TRHDE: variants seen among roughly 807,000 people sequenced by gnomAD.
TRHDE encodes the protein thyrotropin-releasing hormone-degrading ectoenzyme.
Under a neutral mutation model 125.7 loss-of-function variants are expected in TRHDE, and 72 were observed. That is an observed-to-expected ratio of 0.57 (90% confidence interval 0.47 to 0.70). The LOEUF (loss-of-function observed/expected upper bound fraction) is 0.70, where lower values mean the gene tolerates loss of function less well. TRHDE is among the 30% of genes least tolerant of loss of function. The probability of loss-of-function intolerance (pLI) is 0.00; values close to 1 mark genes in which losing one functional copy is unlikely to be tolerated. For missense variants in TRHDE, 1,110 were observed against 1,327.1 expected, an observed-to-expected ratio of 0.84 and a Z score of 2.54; for synonymous variants, 509 against 509.1, an observed-to-expected ratio of 1.00 and a Z score of 0.00.
In TRHDE at chr12:72,286,893, AT is replaced by A; in HGVS notation, c.1130del (p.Leu377Ter). On this transcript the variant is annotated frameshift_variant, in exon 2 of 19. Coordinates refer to ENST00000261180, the MANE Select transcript of TRHDE (RefSeq NM_013381.3). LOFTEE classifies it high-confidence loss of function. ...FSQTPLMSTYYLAWAICNFTY... is the reference protein window; with the variant it reads ...FSQTPLMSTYXLAWAICNFTY... The stretch of plus-strand genomic sequence containing the variant: ...CAGACCCCTCTCATGTCCACATATT[AT>A]TTAGCCTGGGCAATTTGCAACTTCA... The A allele has an allele frequency of 6.2e-7, 1 of 1,613,978 alleles. No homozygotes were observed. The highest frequency in any genetic ancestry group is 8.5e-7 in the Non-Finnish European group (1 of 1,179,966).
chr12:72,111,756 G>A (rs114897935), intron 2 of TRHDE, among the ~76,000 whole-genome samples: 2,588 of 152,164 alleles, frequency 0.017, 59 homozygotes, highest in African/African-American at 0.059. Context: ...ATTTTTCTCT[G>A]CCTCATTCTT....
chr12:72,117,511 G>A (rs1011193820), intron 2 of TRHDE, among the ~76,000 whole-genome samples: 14 of 152,076 alleles, frequency 9.2e-5, no homozygotes, highest in Non-Finnish European at 4.4e-5. Context: ...TGGATAATGC[G>A]ATTCCTCCAG....
chr12:72,516,814 G>A (rs1419789460), intron 6 of TRHDE, among the ~76,000 whole-genome samples: 8 of 152,036 alleles, frequency 5.3e-5, no homozygotes, highest in African/African-American at 1.2e-4. Flanking sequence ...TTTGAGATAC[G>A]TCCCATCAAT....
chr12:72,565,680 A>G (rs1565792315), intron 9 of TRHDE, among the ~76,000 whole-genome samples: 1 of 152,194 alleles, frequency 6.6e-6, no homozygotes, highest in Non-Finnish European at 1.5e-5. Flanking sequence ...AGTTTTTCAC[A>G]AAGTCTGGAC....
Position 72,562,173 on chromosome 12 carries a change from A to G in TRHDE, c.1797A>G (p.Leu599=), listed in dbSNP as rs267603659. 1 of 1,503,386 alleles carries G rather than the reference A, an allele frequency of 6.7e-7. No homozygotes were observed. The highest frequency in any genetic ancestry group is 9.2e-7 in the Non-Finnish European group (1 of 1,085,554). The allele number at this position is 1,503,386 out of a possible 1,614,324, so 93.1% of individuals were successfully genotyped here. Residue 599 remains leucine (L), a synonymous_variant, in exon 8 of 19, where the codon TTA becomes TTG. Coordinates refer to ENST00000261180, the MANE Select transcript of TRHDE (RefSeq NM_013381.3). The part of the protein sequence containing the change: ...SVFQRGLQDY[L]TIHKYGNAAR... ...ATTTTATATTCTTGTAGGATTATTT[A>G]ACCATTCATAAGTATGGTAATGCAG...
intron 3 of TRHDE, among the ~76,000 whole-genome samples, chr12:72,411,875 G>T (rs968300038): frequency 1.1e-4 from 16 of 152,118 alleles, no homozygotes; most frequent in African/African-American, 3.9e-4. Context: ...GCAGATTAGT[G>T]GAAAAAGACA....
intron 1 of TRHDE, among the ~76,000 whole-genome samples, chr12:72,097,580 G>A (rs1874961376): frequency 6.6e-6 from 1 of 151,514 alleles, no homozygotes. Flanking sequence ...CTCCTGAGTA[G>A]CTGGGACTAC....
chr12:72,107,814 G>A (rs941437888), intron 2 of TRHDE, among the ~76,000 whole-genome samples: 1 of 143,562 alleles, frequency 7.0e-6, no homozygotes, highest in Non-Finnish European at 1.5e-5. Context: ...GGCCTGTTTA[G>A]ACATTTTTTG....
At chr12:72,095,117 A>G (rs1251174814) in intron 1 of TRHDE, among the ~76,000 whole-genome samples, 2 of 152,182 alleles carry the variant, frequency 1.3e-5, no homozygotes, top group Non-Finnish European at 2.9e-5. Context: ...TGTCTTTTAG[A>G]TATAAATTAT....
At position 72,247,567 on chromosome 12, in the gene TRHDE, T is replaced by C. The variant is rs567814558; in HGVS notation, n.280-130428T>C. On this transcript the variant is annotated intron_variant and non_coding_transcript_variant, in intron 2 of 4. Coordinates refer to the TRHDE transcript ENST00000548156. ...CCATTGTTATTTTATAAAAATTCCC[T>C]AGGTTATTTTAATGTGCAGCTGGAG... Among the ~76,000 whole-genome samples, 4 of 152,352 alleles carry C rather than the reference T, an allele frequency of 2.6e-5. No individual in the cohort carries two copies. In the South Asian group the frequency reaches 8.3e-4, roughly 32 times the overall value.
intron 2 of TRHDE, among the ~76,000 whole-genome samples, chr12:72,375,426 A>G (rs2135771629): frequency 6.6e-6 from 1 of 152,286 alleles, no homozygotes; most frequent in East Asian, 1.9e-4. Context: ...AATCTTGACA[A>G]GCAGATTAAT....
chr12:72,152,826 A>G (rs1170374040), intron 2 of TRHDE, among the ~76,000 whole-genome samples: 1 of 152,152 alleles, frequency 6.6e-6, no homozygotes, highest in East Asian at 1.9e-4. Context: ...TTTTGCATCA[A>G]TGTTCATCAG....
intron 1 of TRHDE, among the ~76,000 whole-genome samples, chr12:72,277,360 G>C (rs750905743): frequency 1.4e-4 from 22 of 152,082 alleles, no homozygotes; most frequent in Non-Finnish European, 2.4e-4. Flanking sequence ...AATACTCATG[G>C]TATTTAATAC....
chr12:72,522,211 C>G (rs1868263460), intron 6 of TRHDE, among the ~76,000 whole-genome samples: 1 of 152,154 alleles, frequency 6.6e-6, no homozygotes, highest in Non-Finnish European at 1.5e-5. Context: ...GTCACCTACA[C>G]CAGACTGCTT....
At chr12:72,518,991 G>T (rs568881839) in intron 6 of TRHDE, among the ~76,000 whole-genome samples, 14 of 151,834 alleles carry the variant, frequency 9.2e-5, no homozygotes, top group African/African-American at 3.4e-4. Flanking sequence ...TCTTCTGGCT[G>T]GTAGAGTTTC....
At chr12:72,463,264 T>G (rs1251603976) in intron 3 of TRHDE, among the ~76,000 whole-genome samples, 1 of 152,210 alleles carries the variant, frequency 6.6e-6, no homozygotes, top group Non-Finnish European at 1.5e-5. Context: ...AACTCTTGTC[T>G]TCCAGAACTT....
At chr12:72,297,782 G>A (rs999809863) in intron 2 of TRHDE, among the ~76,000 whole-genome samples, 36 of 152,144 alleles carry the variant, frequency 2.4e-4, no homozygotes, top group Admixed American at 2.3e-3. Context: ...ATGAGAGTGT[G>A]GGCAGAAGTA....
chr12:72,495,342 A>T (rs17111252), intron 5 of TRHDE, among the ~76,000 whole-genome samples: 9,822 of 152,000 alleles, frequency 0.065, 1,097 homozygotes, highest in African/African-American at 0.22. Context: ...ACTTTTATTA[A>T]GCCATTACGC....
chr12:72,294,380 G>A (rs550561164), intron 2 of TRHDE, among the ~76,000 whole-genome samples: 12 of 152,112 alleles, frequency 7.9e-5, no homozygotes, highest in African/African-American at 2.7e-4. Flanking sequence ...GGTGGGGGGC[G>A]GTGGGGCGGA....
Sources: gnomAD v4.1 joint callset for allele counts (sites outside exome capture counted in the v4.1 genomes callset) on GRCh38, gnomAD v4.1.1 for gene constraint, MANE v1.5 for transcripts, NCBI Gene and HGNC (gene_info 2026-07-23, HGNC 2026-07-21) for gene names.